Variants in ITGBL1 observed in about 807,000 individuals in gnomAD.
ITGBL1 encodes integrin beta-like protein 1.
ITGBL1 carries 51 observed loss-of-function variants against 68.5 expected under a neutral mutation model. The ratio of observed to expected loss-of-function variants is 0.74; its 90% CI spans 0.59 to 0.94. The LOEUF is 0.94. Ranked by LOEUF, ITGBL1 falls within the 40% of genes least tolerant of loss-of-function variation. The pLI, the probability that ITGBL1 is intolerant of heterozygous loss-of-function variation, is 0.00. For synonymous variants in ITGBL1, 209 were observed against 227.3 expected (o/e 0.92, Z 0.72); for missense variants, 649 against 647.4 (o/e 1.00, Z -0.03).
chr13:101,709,763 CATT>C (rs2034379073), intron 9 of ITGBL1, among the ~76,000 whole-genome samples: 1 of 152,222 alleles, frequency 6.6e-6, no homozygotes, highest in African/African-American at 2.4e-5. Flanking sequence ...ACTATTGAAT[CATT>C]AACACTTTCC....
At chr13:101,653,799 C>A (rs1426232768) in intron 7 of ITGBL1, among the ~76,000 whole-genome samples, 8 of 151,458 alleles carry the variant, frequency 5.3e-5, no homozygotes, top group Non-Finnish European at 1.2e-4. Context: ...AGTGATTCTC[C>A]TGCCTCAGAC....
chr13:101,708,109 G>T (rs1220156708), intron 9 of ITGBL1, among the ~76,000 whole-genome samples: 1 of 151,420 alleles, frequency 6.6e-6, no homozygotes, highest in Non-Finnish European at 1.5e-5. Context: ...AGTAAAGAAT[G>T]CTAATAGATT....
At chr13:101,573,515 T>C (rs187658568) in intron 3 of ITGBL1, among the ~76,000 whole-genome samples, 8 of 152,238 alleles carry the variant, frequency 5.3e-5, no homozygotes, top group African/African-American at 1.9e-4. Flanking sequence ...ATATGATGAA[T>C]ATACTCTATA....
At chr13:101,532,706 A>G (rs1212154995) in intron 2 of ITGBL1, among the ~76,000 whole-genome samples, 1 of 152,186 alleles carries the variant, frequency 6.6e-6, no homozygotes, top group African/African-American at 2.4e-5. Context: ...CTTTTTTTGC[A>G]TAACAACGTT....
intron 2 of ITGBL1, among the ~76,000 whole-genome samples, chr13:101,474,809 A>T (rs1594831898): frequency 6.6e-6 from 1 of 152,328 alleles, no homozygotes; most frequent in Middle Eastern, 3.4e-3. Flanking sequence ...CCTGGATCTT[A>T]TCCAGGACCA....
intron 5 of ITGBL1, among the ~76,000 whole-genome samples, chr13:101,582,016 C>A (rs781315622): frequency 3.3e-5 from 5 of 152,180 alleles, no homozygotes; most frequent in Non-Finnish European, 5.9e-5. Flanking sequence ...CACTGCTACC[C>A]ACTTAGTAGT....
intron 2 of ITGBL1, among the ~76,000 whole-genome samples, chr13:101,472,974 G>A (rs1158688699): frequency 6.6e-6 from 1 of 152,086 alleles, no homozygotes; most frequent in Non-Finnish European, 1.5e-5. Context: ...TTTATGTTGT[G>A]TGTATAATTA....
intron 7 of ITGBL1, among the ~76,000 whole-genome samples, chr13:101,614,624 T>C (rs2031275942): frequency 6.6e-6 from 1 of 152,164 alleles, no homozygotes; most frequent in African/African-American, 2.4e-5. Flanking sequence ...GCTGGCTCCT[T>C]GTCTGCTTTG....
At chr13:101,714,769 TG>T (rs1357344811) in intron 10 of ITGBL1, 2 of 536,190 alleles carry the variant, frequency 3.7e-6, no homozygotes, top group Non-Finnish European at 6.6e-6. Flanking sequence ...CTAAATTTTG[TG>T]ATTATTTGGG....
chr13:101,608,289 A>G (rs747639453), intron 7 of ITGBL1, among the ~76,000 whole-genome samples: 4 of 152,042 alleles, frequency 2.6e-5, no homozygotes, highest in Non-Finnish European at 4.4e-5. Context: ...GTCACAATTT[A>G]TCTTTCCTTT....
chr13:101,522,229 G>A (rs2049298040), intron 2 of ITGBL1, among the ~76,000 whole-genome samples: 1 of 151,964 alleles, frequency 6.6e-6, no homozygotes, highest in Non-Finnish European at 1.5e-5. Flanking sequence ...GAATGTTGGG[G>A]GGACACAATT....
chr13:101,530,042 G>A (rs2049446438), intron 2 of ITGBL1, among the ~76,000 whole-genome samples: 1 of 152,126 alleles, frequency 6.6e-6, no homozygotes, highest in Admixed American at 6.6e-5. Flanking sequence ...AGGGAATATT[G>A]AGTAATCTAA....
Position 101,452,741 on chromosome 13 carries a change from A to G in ITGBL1, c.-93A>G, listed in dbSNP as rs1010799387. The G allele has an allele frequency of 8.1e-6, 8 of 988,396 alleles. No homozygotes were observed. Among genetic ancestry groups the G allele is most frequent in the Non-Finnish European group, 1.1e-5 (7 of 617,456 alleles). 61.2% of individuals were successfully genotyped at this position (988,396 alleles called of 1,614,324 possible). A position where few individuals can be genotyped will look rare whatever the true frequency, so the allele number is the denominator to read the frequency against. On this transcript the variant is annotated 5_prime_UTR_variant, in exon 1 of 11. Transcript: ENST00000376180. The stretch of plus-strand genomic sequence containing the variant: ...TGTCCGTGGGTCCGTCTGCCCAGCC[A>G]TCTGCTGGTGGCACCTCTCCCTCCT...
intron 8 of ITGBL1, among the ~76,000 whole-genome samples, chr13:101,700,897 T>C (rs745540923): frequency 3.3e-5 from 5 of 152,222 alleles, no homozygotes; most frequent in Non-Finnish European, 7.3e-5. Context: ...TTCTTGCTAT[T>C]GAATATACTA....
downstream of ITGBL1, chr13:101,716,734 G>A (rs2034738120): frequency 6.7e-6 from 1 of 148,430 alleles, no homozygotes. Flanking sequence ...ATGCAAAGAA[G>A]TCAAGACGAG....
intron 2 of ITGBL1, among the ~76,000 whole-genome samples, chr13:101,523,853 G>A (rs1057130055): frequency 2.0e-5 from 3 of 152,178 alleles, no homozygotes; most frequent in African/African-American, 7.2e-5. Flanking sequence ...GGACCAGCTG[G>A]TAGAAAGGAC....
intron 9 of ITGBL1, chr13:101,713,087 C>T (rs1242555499): frequency 3.3e-5 from 5 of 152,226 alleles, no homozygotes; most frequent in African/African-American, 4.8e-5. Context: ...CTAAATAATT[C>T]TGACTGCACT....
intron 2 of ITGBL1, among the ~76,000 whole-genome samples, chr13:101,545,767 T>C (rs555403877): frequency 1.3e-5 from 2 of 152,288 alleles, no homozygotes; most frequent in African/African-American, 2.4e-5. Flanking sequence ...CTGGGACTCA[T>C]GGACCAGCCT....
At chr13:101,555,758 C>T (rs1470699792) in intron 2 of ITGBL1, among the ~76,000 whole-genome samples, 2 of 152,058 alleles carry the variant, frequency 1.3e-5, no homozygotes, top group Admixed American at 1.3e-4. Flanking sequence ...TTATCTGGCT[C>T]CAATTGGTTT....
Sources: allele counts gnomAD v4.1 joint callset (sites outside exome capture counted in the v4.1 genomes callset), GRCh38; gene constraint gnomAD v4.1.1; transcripts MANE v1.5; gene names NCBI Gene and HGNC (gene_info 2026-07-23, HGNC 2026-07-21).